Variants in STAU2 observed in about 807,000 individuals in gnomAD.
The protein encoded by STAU2 is double-stranded RNA-binding protein Staufen homolog 2.
In STAU2, 20 loss-of-function variants were observed where a neutral mutation model predicts 65.9. That is an observed-to-expected ratio of 0.30 (90% CI 0.21 to 0.44). STAU2 has a LOEUF of 0.44. Among genes scored for constraint, STAU2 ranks in the 20% least tolerant of loss-of-function variants. STAU2 has a pLI of 1.00. For missense variants in STAU2, 558 were observed against 683.9 expected (o/e 0.82, Z 2.05); for synonymous variants, 232 against 233.9 (o/e 0.99, Z 0.07).
chr8:73,583,499 A>C (rs1810142619), intron 11 of STAU2, among the ~76,000 whole-genome samples: 1 of 152,140 alleles, frequency 6.6e-6, no homozygotes, highest in Admixed American at 6.5e-5. Flanking sequence ...CAAATGCTTA[A>C]GTGACCAAAA....
At chr8:73,658,934 C>CAAAAAAAAA (rs72251012) in intron 6 of STAU2, among the ~76,000 whole-genome samples, 1 of 96,820 alleles carries the variant, frequency 1.0e-5, no homozygotes. Flanking sequence ...ACAACAACAA[C>CAAAAAAAAA]AAAAACAACA....
At chr8:73,449,547 C>T (rs1158934551) in intron 13 of STAU2, among the ~76,000 whole-genome samples, 3 of 152,166 alleles carry the variant, frequency 2.0e-5, no homozygotes, top group South Asian at 2.1e-4. Context: ...CAATCCAGTC[C>T]GTAACAAGGC....
At chr8:73,430,980 T>C (rs1585733078) in intron 13 of STAU2, among the ~76,000 whole-genome samples, 1 of 152,326 alleles carries the variant, frequency 6.6e-6, no homozygotes, top group East Asian at 1.9e-4. Context: ...GGTGTTTAAA[T>C]CCTACCATCT....
chr8:73,716,824 C>A (rs1290372679), intron 3 of STAU2, among the ~76,000 whole-genome samples: 2 of 152,188 alleles, frequency 1.3e-5, no homozygotes, highest in Admixed American at 1.3e-4. Context: ...TTCTTCTAGG[C>A]CAGGCGCGGT....
At chr8:73,649,623 A>G (rs1815673689) in intron 6 of STAU2, among the ~76,000 whole-genome samples, 1 of 152,010 alleles carries the variant, frequency 6.6e-6, no homozygotes, top group Non-Finnish European at 1.5e-5. Context: ...AATAGGATTA[A>G]CAAACTCAAC....
chr8:73,478,907 A>G (rs765791188), intron 13 of STAU2, among the ~76,000 whole-genome samples: 9 of 152,200 alleles, frequency 5.9e-5, no homozygotes, highest in Non-Finnish European at 1.3e-4. Context: ...TATATTTTAA[A>G]TTATTAATCA....
chr8:73,604,555 C>T (rs1391204458), intron 9 of STAU2, among the ~76,000 whole-genome samples: 3 of 152,032 alleles, frequency 2.0e-5, no homozygotes, highest in East Asian at 1.9e-4. Flanking sequence ...TTTAAAAAGA[C>T]GTATCCGGTA....
intron 5 of STAU2, among the ~76,000 whole-genome samples, chr8:73,676,787 G>T (rs1398591262): frequency 2.0e-5 from 3 of 151,988 alleles, no homozygotes; most frequent in African/African-American, 7.3e-5. Context: ...GTAAAGTTGG[G>T]GTTTCACCAT....
chr8:73,694,980 C>T (rs1819605144), intron 4 of STAU2, among the ~76,000 whole-genome samples: 1 of 152,178 alleles, frequency 6.6e-6, no homozygotes, highest in Non-Finnish European at 1.5e-5. Flanking sequence ...CAAGACTTGC[C>T]ACCACAGGCT....
rs534376184 is a variant in STAU2, at chr8:73,677,100, C to T, written c.275-3858G>A. ...ACCAGCACTTTACAACAGAGCCTAG[C>T]CTAATGCCAACAGGCATATGGAAAG... On this transcript the variant is annotated intron_variant, in intron 5 of 14. Coordinates refer to ENST00000524300, the MANE Select transcript of STAU2 (RefSeq NM_001164380.2). Among the ~76,000 whole-genome samples, 27 of 152,214 alleles carry T rather than the reference C, an allele frequency of 1.8e-4. No individual in the cohort carries two copies. The South Asian group carries it at 5.6e-3, about 32-fold the overall frequency.
intron 13 of STAU2, among the ~76,000 whole-genome samples, chr8:73,448,435 G>T (rs1239568763): frequency 6.6e-6 from 1 of 152,032 alleles, no homozygotes; most frequent in Non-Finnish European, 1.5e-5. Context: ...GGCGCACGCC[G>T]CCACGCCCGG....
intron 13 of STAU2, among the ~76,000 whole-genome samples, chr8:73,431,300 C>T (rs1363676253): frequency 6.6e-6 from 1 of 152,110 alleles, no homozygotes; most frequent in East Asian, 1.9e-4. Flanking sequence ...TGTATTTTAC[C>T]ACAGCCTACT....
chr8:73,546,973 A>G (rs1806980091), intron 13 of STAU2, among the ~76,000 whole-genome samples: 1 of 152,250 alleles, frequency 6.6e-6, no homozygotes. Flanking sequence ...AATTCCAAGT[A>G]GTAGAATTTT....
intron 5 of STAU2, among the ~76,000 whole-genome samples, chr8:73,675,247 A>G (rs1817952011): frequency 6.6e-6 from 1 of 152,086 alleles, no homozygotes; most frequent in South Asian, 2.1e-4. Context: ...GAACTGAATG[A>G]TAATAGTGAC....
At chr8:73,695,132 G>C (rs1194844859) in intron 4 of STAU2, among the ~76,000 whole-genome samples, 1 of 152,186 alleles carries the variant, frequency 6.6e-6, no homozygotes. Context: ...CAGCTGGAAT[G>C]GCTAAGGGAG....
At chr8:73,698,923 T>TAAAAAAAAAA (rs34819729) in intron 4 of STAU2, among the ~76,000 whole-genome samples, 1 of 129,098 alleles carries the variant, frequency 7.7e-6, no homozygotes, top group African/African-American at 2.9e-5. Flanking sequence ...CTTAAAACAT[T>TAAAAAAAAAA]AAAAAAAAAA....
intron 6 of STAU2, among the ~76,000 whole-genome samples, chr8:73,664,859 G>C (rs1817115608): frequency 6.6e-6 from 1 of 152,022 alleles, no homozygotes; most frequent in Non-Finnish European, 1.5e-5. Context: ...AGGTGTGGTG[G>C]CATGCGCCTG....
At chr8:73,588,932 A>T (rs1052215917) in intron 11 of STAU2, among the ~76,000 whole-genome samples, 1 of 152,152 alleles carries the variant, frequency 6.6e-6, no homozygotes, top group African/African-American at 2.4e-5. Context: ...CTGGACAAAA[A>T]AATCAAGAAC....
At chr8:73,428,498 G>A (rs932469385) in intron 13 of STAU2, among the ~76,000 whole-genome samples, 3 of 152,008 alleles carry the variant, frequency 2.0e-5, no homozygotes, top group African/African-American at 7.3e-5. Flanking sequence ...TGACAGTGCT[G>A]GATCCCAAAA....
Sources: gnomAD v4.1 joint callset for allele counts (sites outside exome capture counted in the v4.1 genomes callset) on GRCh38, gnomAD v4.1.1 for gene constraint, MANE v1.5 for transcripts, NCBI Gene and HGNC (gene_info 2026-07-23, HGNC 2026-07-21) for gene names.